The following NLGN1 variants were observed in gnomAD, a reference collection of about 807,000 sequenced individuals.
The protein encoded by NLGN1 is neuroligin 1.
A neutral mutation model predicts 65.5 loss-of-function variants in NLGN1; 12 were observed. The observed-to-expected ratio is 0.18, with a 90% CI of 0.12 to 0.30. The LOEUF (loss-of-function observed/expected upper bound fraction) is 0.30, where lower values mean the gene tolerates loss of function less well. NLGN1 is among the 10% of genes least tolerant of loss of function. NLGN1 has a pLI of 1.00. For synonymous variants in NLGN1, 350 were observed against 359.5 expected (o/e 0.97, Z 0.30); for missense variants, 750 against 1,007.1 (o/e 0.74, Z 3.46).
At chr3:173,882,531 C>A (rs904666766) in intron 4 of NLGN1, among the ~76,000 whole-genome samples, 3 of 152,216 alleles carry the variant, frequency 2.0e-5, no homozygotes, top group Non-Finnish European at 2.9e-5. Flanking sequence ...CCAGCATTTC[C>A]TGCTTCACAT....
intron 4 of NLGN1, among the ~76,000 whole-genome samples, chr3:174,182,707 G>C (rs1275274008): frequency 1.3e-5 from 2 of 152,120 alleles, no homozygotes; most frequent in African/African-American, 4.8e-5. Context: ...CATGAAAGTA[G>C]TAAATGATAC....
chr3:174,280,968 A>G lies in NLGN1; in HGVS notation c.2137A>G (p.Ser713Gly). The G allele has an allele frequency of 6.2e-7, 1 of 1,613,394 alleles. No individual in the cohort carries two copies. Among genetic ancestry groups the G allele is most frequent in the Middle Eastern group, 1.7e-4 (1 of 6,052 alleles). The stretch of plus-strand genomic sequence containing the variant: ...GAGACATGATGTTCACAGGAGATGC[A>G]GCCCTCAGCGCACTACTACCAATGA... The change falls in exon 7 of 7, where the codon AGC becomes GGC. Residue 713 changes from serine (S) to glycine (G), a missense_variant. Coordinates refer to ENST00000457714, the Ensembl canonical transcript of NLGN1. The surrounding 1 kb of genome is among the most constrained non-coding windows in gnomAD (Gnocchi z 4.9).
chr3:173,668,624 T>TC (rs1334444571), intron 3 of NLGN1, among the ~76,000 whole-genome samples: 3 of 150,268 alleles, frequency 2.0e-5, no homozygotes, highest in African/African-American at 7.3e-5. Context: ...CTTTTCTTTT[T>TC]TTTTTTTTTT....
intron 4 of NLGN1, among the ~76,000 whole-genome samples, chr3:174,010,728 T>A (rs1274366583): frequency 6.6e-6 from 1 of 152,206 alleles, no homozygotes; most frequent in African/African-American, 2.4e-5. Context: ...AAATTTCTTG[T>A]CTCTGCATGA....
intron 4 of NLGN1, among the ~76,000 whole-genome samples, chr3:174,014,993 C>T (rs543376355): frequency 7.9e-4 from 121 of 152,254 alleles, no homozygotes; most frequent in African/African-American, 2.7e-3. Context: ...ACAAACTGAA[C>T]AGCTGGAGGA....
At chr3:174,284,125 T>C (rs1751858079) in exon 7 of NLGN1, 1 of 151,376 alleles carries the variant, frequency 6.6e-6, no homozygotes, top group South Asian at 2.1e-4. Flanking sequence ...AAACAAAGCA[T>C]AGCCCTATTA....
intron 4 of NLGN1, among the ~76,000 whole-genome samples, chr3:174,237,197 C>A (rs557123806): frequency 2.4e-4 from 36 of 151,800 alleles, no homozygotes; most frequent in African/African-American, 8.7e-4. Context: ...ACTTTTATTC[C>A]CTGCCATCCC....
At chr3:173,728,697 A>C (rs2150042514) in intron 3 of NLGN1, among the ~76,000 whole-genome samples, 1 of 152,244 alleles carries the variant, frequency 6.6e-6, no homozygotes, top group Middle Eastern at 3.4e-3. Flanking sequence ...ATAGGGAAGA[A>C]CAACATGTGA....
At chr3:174,219,946 CAGAG>C (rs1195604662) in intron 4 of NLGN1, among the ~76,000 whole-genome samples, 5 of 151,980 alleles carry the variant, frequency 3.3e-5, no homozygotes, top group Non-Finnish European at 5.9e-5. Flanking sequence ...AGGTGTCAGA[CAGAG>C]AGAAGCTGTT....
At chr3:173,770,818 A>G (rs557971123) in intron 3 of NLGN1, among the ~76,000 whole-genome samples, 8 of 152,144 alleles carry the variant, frequency 5.3e-5, no homozygotes, top group Non-Finnish European at 1.0e-4. Flanking sequence ...CAATTAACAT[A>G]TAATTCGCAC....
chr3:173,456,230 T>G (rs537058019), intron 2 of NLGN1, among the ~76,000 whole-genome samples: 1 of 152,228 alleles, frequency 6.6e-6, no homozygotes, highest in South Asian at 2.1e-4. Flanking sequence ...TTTTTAAAAC[T>G]GATAAGCTCT....
chr3:173,742,942 G>A (rs1414355650), intron 3 of NLGN1, among the ~76,000 whole-genome samples: 2 of 152,040 alleles, frequency 1.3e-5, no homozygotes. Context: ...AAAATTATTT[G>A]CATGTACTTG....
At chr3:173,668,621 T>TTTC (rs1762041948) in intron 3 of NLGN1, among the ~76,000 whole-genome samples, 3 of 58,092 alleles carry the variant, frequency 5.2e-5, no homozygotes, top group African/African-American at 3.8e-4. Flanking sequence ...TTTCTTTTCT[T>TTTC]TTTTTTTTTT....
At position 173,975,958 on chromosome 3, in the gene NLGN1, G is replaced by A. The variant is rs563892271; in HGVS notation, c.646+168126G>A. Among the ~76,000 whole-genome samples the A allele has an allele frequency of 3.9e-5, 6 of 152,086 alleles. No homozygotes were observed. The South Asian group carries it at 1.0e-3, about 26-fold the overall frequency. ...TGCTGTACCTTCAGCACCTAATATA[G>A]CATTGGTAGATCTGCAATATATATT... On this transcript the variant is annotated intron_variant, in intron 4 of 6. Coordinates refer to ENST00000457714, the Ensembl canonical transcript of NLGN1.
intron 3 of NLGN1, among the ~76,000 whole-genome samples, chr3:173,665,232 C>T (rs10936766): frequency 0.21 from 32,019 of 151,990 alleles, 3,842 homozygotes; most frequent in African/African-American, 0.33. Context: ...GCTCTCATGA[C>T]AGTGAGTTAG....
At chr3:173,397,668 C>T (rs1162604101), upstream of NLGN1, 2 of 152,574 alleles carry the variant, frequency 1.3e-5, no homozygotes, top group Non-Finnish European at 2.9e-5. Context: ...CAGCTCTCCT[C>T]GCCGCTCCTC....
chr3:173,729,037 T>G (rs1399014920), intron 3 of NLGN1, among the ~76,000 whole-genome samples: 1 of 152,126 alleles, frequency 6.6e-6, no homozygotes, highest in Non-Finnish European at 1.5e-5. Flanking sequence ...TCAGATTACC[T>G]GATGGAATCT....
At chr3:174,189,239 G>T (rs1033002077) in intron 4 of NLGN1, among the ~76,000 whole-genome samples, 1 of 151,930 alleles carries the variant, frequency 6.6e-6, no homozygotes, top group Non-Finnish European at 1.5e-5. Flanking sequence ...AATGAAAGAC[G>T]CAGAGCAAAG....
At chr3:173,653,020 T>A (rs550373906) in intron 3 of NLGN1, among the ~76,000 whole-genome samples, 5 of 152,296 alleles carry the variant, frequency 3.3e-5, no homozygotes, top group African/African-American at 1.2e-4. Context: ...GGGATTACCT[T>A]CTTGATTTTG....
Sources: allele counts gnomAD v4.1 joint callset (sites outside exome capture counted in the v4.1 genomes callset), GRCh38; gene constraint gnomAD v4.1.1; non-coding constraint Gnocchi (gnomAD v3.1); transcripts MANE v1.5; gene names NCBI Gene and HGNC (gene_info 2026-07-23, HGNC 2026-07-21).